Variants in CHD1L observed in about 807,000 individuals in gnomAD.
The protein encoded by CHD1L is chromodomain helicase DNA binding protein 1 like, also known as ATP-dependent chromatin remodeler CHD1L.
In CHD1L, 118 loss-of-function variants were observed where a neutral mutation model predicts 115.9. That is an observed-to-expected ratio of 1.02 (90% confidence interval 0.88 to 1.19). The LOEUF is 1.19. Among genes scored for constraint, CHD1L ranks in the 50% most tolerant of loss-of-function variants. CHD1L has a pLI of 0.00. For missense variants in CHD1L, 1,179 were observed against 1,065.3 expected, an observed-to-expected ratio of 1.11 and a Z score of -1.49; for synonymous variants, 411 against 387.1, an observed-to-expected ratio of 1.06 and a Z score of -0.72.
At chr1:147,248,890 TTGTTTA>T (rs1435992730) in intron 1 of CHD1L, among the ~76,000 whole-genome samples, 1 of 152,236 alleles carries the variant, frequency 6.6e-6, no homozygotes, top group Admixed American at 6.5e-5. Flanking sequence ...GCTTTACTTT[TTGTTTA>T]TAATTGTCTT....
chr1:147,275,867 G>A (rs1678233959), intron 13 of CHD1L, among the ~76,000 whole-genome samples: 4 of 151,862 alleles, frequency 2.6e-5, no homozygotes, highest in Admixed American at 1.3e-4. Flanking sequence ...CTACAGATAA[G>A]GAATCCCAGT....
At chr1:147,213,181 C>G in the CHD1L span, 30 of 799,042 alleles carry the variant, frequency 3.8e-5, no homozygotes, top group Non-Finnish European at 5.0e-5. Flanking sequence ...TTCTGGGGAA[C>G]AAGAATAATT....
At chr1:147,222,365 C>A in the CHD1L span, among the ~76,000 whole-genome samples, 1 of 151,542 alleles carries the variant, frequency 6.6e-6, no homozygotes, top group Admixed American at 6.6e-5. Context: ...GAGACTCTGC[C>A]TAAAAAGAAA....
In CHD1L at chr1:147,286,513, G is replaced by T; in HGVS notation, c.2221+13G>T. The T allele has an allele frequency of 6.2e-7, 1 of 1,612,196 alleles. No individual in the cohort carries two copies. On this transcript the variant is annotated intron_variant, in intron 18 of 22. Coordinates refer to ENST00000369258, the MANE Select transcript of CHD1L (RefSeq NM_004284.6). ...GTGCACTGCGTAGGTACGAGAAGTGGTATGGGCTGGGGATGGGGGCCTCAG... is the reference window on the plus strand; with the variant it reads ...GTGCACTGCGTAGGTACGAGAAGTGTTATGGGCTGGGGATGGGGGCCTCAG...
chr1:147,201,444 CA>C, the CHD1L span: 3 of 1,614,094 alleles, frequency 1.9e-6, no homozygotes, highest in Non-Finnish European at 2.5e-6. Context: ...TCACTTTCAC[CA>C]AGCCAGAAAT....
At chr1:147,256,665 G>A in intron 5 of CHD1L, 103 bp downstream of exon 5, 1 of 1,130,256 alleles carries the variant, frequency 8.8e-7, no homozygotes, top group African/African-American at 1.5e-5. Context: ...TGTCTGGTAT[G>A]TCTTCCATGA....
In CHD1L at chr1:147,286,468, G is replaced by T. The variant is rs1553965979; in HGVS notation, c.2189G>T (p.Gly730Val). The change falls in exon 18 of 23, where the codon GGG becomes GTG. Residue 730 changes from glycine (G) to valine (V), a missense_variant. Physicochemically the swap from Gly to Val is moderately radical, Grantham distance 109. Coordinates refer to ENST00000369258, the MANE Select transcript of CHD1L (RefSeq NM_004284.6). Reference sequence around the variant, plus strand: ...GGTGATGTCACCCACCCTCAGGCTGGGGCCGAGGATGCTCTCATTGTGCAC... The same window carrying T: ...GGTGATGTCACCCACCCTCAGGCTGTGGCCGAGGATGCTCTCATTGTGCAC... ...VSGDVTHPQA[G>V]AEDALIVHCV... 3 of 1,613,960 alleles carry T rather than the reference G, an allele frequency of 1.9e-6. No individual in the cohort carries two copies. The highest frequency in any genetic ancestry group is 2.5e-6 in the Non-Finnish European group (3 of 1,180,024).
chr1:147,173,061 G>A, the CHD1L span: 5 of 152,648 alleles, frequency 3.3e-5, no homozygotes, highest in African/African-American at 9.6e-5. Context: ...CCAGCACTTT[G>A]GGAGGCTGAG....
chr1:147,190,306 C>A, the CHD1L span: 2 of 1,076,486 alleles, frequency 1.9e-6, no homozygotes, highest in Non-Finnish European at 2.8e-6. Flanking sequence ...AACAATAATC[C>A]TATAAACAAT....
At chr1:147,224,877 A>G in the CHD1L span, 11 of 1,612,122 alleles carry the variant, frequency 6.8e-6, no homozygotes, top group Admixed American at 1.8e-4. Context: ...GTATTAAGGG[A>G]CTAGGAGATG....
chr1:147,225,951 G>C, the CHD1L span: 1 of 152,216 alleles, frequency 6.6e-6, no homozygotes, highest in East Asian at 1.9e-4. Flanking sequence ...ACAAGAGTGG[G>C]AAACGTGACT....
intron 5 of CHD1L, among the ~76,000 whole-genome samples, chr1:147,258,610 T>TA (rs1269047725): frequency 1.3e-5 from 2 of 152,194 alleles, no homozygotes; most frequent in Admixed American, 6.5e-5. Flanking sequence ...GTCCTCCCTC[T>TA]ACTCGCTTCT....
At chr1:147,215,921 C>T in the CHD1L span, 10 of 1,606,596 alleles carry the variant, frequency 6.2e-6, no homozygotes, top group African/African-American at 1.2e-4. Flanking sequence ...TAAATACTGG[C>T]CCTTCCTTCT....
intron 2 of CHD1L, among the ~76,000 whole-genome samples, chr1:147,253,464 A>T (rs1449456239): frequency 1.3e-5 from 2 of 152,132 alleles, no homozygotes; most frequent in African/African-American, 4.8e-5. Context: ...GTAATCAAGC[A>T]CTCTAACCAT....
the CHD1L span, among the ~76,000 whole-genome samples, chr1:147,217,096 C>T: frequency 2.0e-5 from 3 of 151,918 alleles, no homozygotes; most frequent in Admixed American, 6.6e-5. Flanking sequence ...CAAAATTAGC[C>T]GGGCGTGGTG....
chr1:147,275,899 T>C (rs1678244882), intron 13 of CHD1L, among the ~76,000 whole-genome samples: 1 of 152,192 alleles, frequency 6.6e-6, no homozygotes. Context: ...CATCATTCTT[T>C]CTTTGACTGT....
the CHD1L span, among the ~76,000 whole-genome samples, chr1:147,191,167 A>G: frequency 6.6e-6 from 1 of 152,184 alleles, no homozygotes; most frequent in Admixed American, 6.5e-5. Flanking sequence ...TCTTTATAGC[A>G]GCATGATTTA....
the CHD1L span, among the ~76,000 whole-genome samples, chr1:147,206,521 C>T: frequency 2.0e-5 from 3 of 152,082 alleles, no homozygotes; most frequent in Non-Finnish European, 2.9e-5. Context: ...CCCAAATGTC[C>T]AACAATGATA....
At position 147,292,762 on chromosome 1, in the gene CHD1L, G is replaced by C. The variant is rs1553971695; in HGVS notation, c.2392-846G>C. 2.6e-5 allele frequency among the ~76,000 whole-genome samples: 4 copies of C among 152,250 alleles called. No homozygotes were observed. In the South Asian group the frequency reaches 6.2e-4, roughly 24 times the overall value. ...GGTGCCACACTGCTTTAAATAACTA[G>C]ATGTCATGTGAACTACCAGAGCAAG... is the stretch of plus-strand genomic sequence containing the variant. On this transcript the variant is annotated intron_variant, in intron 20 of 22. Coordinates refer to ENST00000369258, the MANE Select transcript of CHD1L (RefSeq NM_004284.6).
Sources: gnomAD v4.1 joint callset for allele counts (sites outside exome capture counted in the v4.1 genomes callset) on GRCh38, gnomAD v4.1.1 for gene constraint, MANE v1.5 for transcripts, NCBI Gene and HGNC (gene_info 2026-07-23, HGNC 2026-07-21) for gene names.